Variants in SORCS1 observed in about 807,000 individuals in gnomAD.
SORCS1 encodes the protein sortilin related VPS10 domain containing receptor 1.
Under a neutral mutation model 146.1 loss-of-function variants are expected in SORCS1, and 60 were observed. The observed-to-expected ratio is 0.41, with a 90% CI of 0.33 to 0.51. The LOEUF is 0.51. Ranked by LOEUF, SORCS1 falls within the 20% of genes least tolerant of loss-of-function variation. The pLI is 0.21. For synonymous variants in SORCS1, 637 were observed against 584.0 expected (o/e 1.09, Z -1.31); for missense variants, 1,352 against 1,487.6 (o/e 0.91, Z 1.50).
intron 1 of SORCS1, among the ~76,000 whole-genome samples, chr10:107,144,625 A>T (rs1015985881): frequency 1.3e-5 from 2 of 152,210 alleles, no homozygotes; most frequent in Admixed American, 6.5e-5. Flanking sequence ...AACAAACAAG[A>T]GCCCATGGCC....
At chr10:106,656,374 C>T (rs902226837) in intron 17 of SORCS1, among the ~76,000 whole-genome samples, 1 of 152,042 alleles carries the variant, frequency 6.6e-6, no homozygotes. Context: ...CACAGTGAAA[C>T]CTTGTCTCTA....
intron 1 of SORCS1, among the ~76,000 whole-genome samples, chr10:107,039,960 A>T (rs533281404): frequency 3.7e-4 from 57 of 152,222 alleles, no homozygotes; most frequent in Admixed American, 2.6e-3. Context: ...AAAAGAAAAA[A>T]ATTAGCCAGG....
At chr10:107,090,943 C>CAT (rs61668820) in intron 1 of SORCS1, among the ~76,000 whole-genome samples, 1 of 148,960 alleles carries the variant, frequency 6.7e-6, no homozygotes, top group African/African-American at 2.5e-5. Flanking sequence ...CACACACACA[C>CAT]GTACACACAC....
At chr10:107,034,680 CAAAAA>C (rs553032484) in intron 1 of SORCS1, among the ~76,000 whole-genome samples, 13 of 13,794 alleles carry the variant, frequency 9.4e-4, no homozygotes, top group East Asian at 5.6e-3. Context: ...AACTCCATCT[CAAAAA>C]AAAAAAAAAA....
At chr10:106,698,736 G>A (rs1853898608) in intron 9 of SORCS1, among the ~76,000 whole-genome samples, 1 of 152,174 alleles carries the variant, frequency 6.6e-6, no homozygotes, top group Non-Finnish European at 1.5e-5. Flanking sequence ...TGAGAAAAAG[G>A]CCATTAGCCA....
chr10:107,018,434 C>T (rs1283036058), intron 1 of SORCS1, among the ~76,000 whole-genome samples: 3 of 152,018 alleles, frequency 2.0e-5, no homozygotes, highest in African/African-American at 7.2e-5. Flanking sequence ...GATCCACCCG[C>T]CTTGGCCTCC....
Position 106,576,034 on chromosome 10 carries a change from G to A in SORCS1, c.*1386C>T, listed in dbSNP as rs527873090. 2.1e-4 allele frequency: 32 copies of A among 152,444 alleles called. No homozygotes were observed. Among genetic ancestry groups the A allele is most frequent in the Middle Eastern group, 3.4e-3 (1 of 294 alleles). 9.4% of individuals were successfully genotyped at this position (152,444 alleles called of 1,614,324 possible). On this transcript the variant is annotated 3_prime_UTR_variant, in exon 26 of 26. Coordinates refer to ENST00000263054, the MANE Select transcript of SORCS1 (RefSeq NM_052918.5). ...TGAGAACACCACAATTCATCTCTAT[G>A]CTTTCTTTTCCAAAGTACATGGCCA...
intron 2 of SORCS1, among the ~76,000 whole-genome samples, chr10:106,893,856 A>C (rs1849469135): frequency 6.6e-6 from 1 of 152,242 alleles, no homozygotes; most frequent in South Asian, 2.1e-4. Flanking sequence ...CATGAGGTTG[A>C]ATACATCATC....
intron 1 of SORCS1, among the ~76,000 whole-genome samples, chr10:107,145,513 A>G (rs1968250438): frequency 6.6e-6 from 1 of 152,224 alleles, no homozygotes. Flanking sequence ...AGGAAAATTT[A>G]CCCACGTGCA....
chr10:107,178,913 T>C, the SORCS1 span, among the ~76,000 whole-genome samples: 1 of 152,192 alleles, frequency 6.6e-6, no homozygotes, highest in East Asian at 1.9e-4. Flanking sequence ...TGAATAGTAC[T>C]GCAATAAACA....
At chr10:107,167,878 T>C (rs1221402683), upstream of SORCS1, among the ~76,000 whole-genome samples, 1 of 151,978 alleles carries the variant, frequency 6.6e-6, no homozygotes, top group Non-Finnish European at 1.5e-5. Flanking sequence ...ACAAAGAATA[T>C]GAACATTTAG....
intron 2 of SORCS1, among the ~76,000 whole-genome samples, chr10:106,862,671 C>T (rs753843935): frequency 6.7e-5 from 10 of 148,156 alleles, no homozygotes; most frequent in Non-Finnish European, 1.0e-4. Context: ...TTTGGCTGGG[C>T]GCGGTGGCTC....
intron 18 of SORCS1, among the ~76,000 whole-genome samples, chr10:106,630,122 C>T (rs1848354598): frequency 2.0e-5 from 3 of 152,158 alleles, no homozygotes; most frequent in South Asian, 4.1e-4. Flanking sequence ...ACTCCACTTC[C>T]TGTGTCTTCA....
At chr10:106,656,829 A>G (rs1850331879) in intron 17 of SORCS1, among the ~76,000 whole-genome samples, 1 of 152,194 alleles carries the variant, frequency 6.6e-6, no homozygotes, top group Non-Finnish European at 1.5e-5. Context: ...CTCTGCAAAC[A>G]GAAATGCTGA....
intron 1 of SORCS1, among the ~76,000 whole-genome samples, chr10:107,159,134 T>C (rs572009761): frequency 5.9e-4 from 90 of 152,248 alleles, no homozygotes; most frequent in African/African-American, 1.7e-3. Context: ...CCTGCTGGGA[T>C]CTCACATTAC....
intron 5 of SORCS1, among the ~76,000 whole-genome samples, chr10:106,748,669 T>C (rs551134974): frequency 1.3e-5 from 2 of 152,348 alleles, no homozygotes; most frequent in South Asian, 4.1e-4. Context: ...AAATTTAGAC[T>C]TTATGATAAC....
At chr10:106,836,252 A>T (rs1948779188) in intron 2 of SORCS1, among the ~76,000 whole-genome samples, 1 of 152,004 alleles carries the variant, frequency 6.6e-6, no homozygotes, top group Non-Finnish European at 1.5e-5. Context: ...AGGCGGGCAG[A>T]TCACGAGGTC....
intron 1 of SORCS1, among the ~76,000 whole-genome samples, chr10:107,037,879 T>G (rs546277891): frequency 6.6e-6 from 1 of 152,246 alleles, no homozygotes; most frequent in African/African-American, 2.4e-5. Flanking sequence ...AAGGCTGGAG[T>G]GTAGTGGTGC....
intron 6 of SORCS1, among the ~76,000 whole-genome samples, chr10:106,718,435 C>T (rs1855537350): frequency 6.6e-6 from 1 of 152,180 alleles, no homozygotes; most frequent in African/African-American, 2.4e-5. Context: ...GGAGTTTATT[C>T]CTTCAGATGT....
Sources: allele counts gnomAD v4.1 joint callset (sites outside exome capture counted in the v4.1 genomes callset), GRCh38; gene constraint gnomAD v4.1.1; transcripts MANE v1.5; gene names NCBI Gene and HGNC (gene_info 2026-07-23, HGNC 2026-07-21).